TRAM2: variants seen among roughly 807,000 people sequenced by gnomAD.
TRAM2 encodes translocating chain-associated membrane protein 2.
TRAM2 carries 12 observed loss-of-function variants against 51.0 expected under a neutral mutation model. The observed-to-expected ratio is 0.24, with a 90% CI of 0.15 to 0.38. The LOEUF is 0.38. TRAM2 is among the 10% of genes least tolerant of loss of function. The pLI, the probability that TRAM2 is intolerant of heterozygous loss-of-function variation, is 1.00. For missense variants in TRAM2, 361 were observed against 462.0 expected (o/e 0.78, Z 2.00); for synonymous variants, 175 against 179.4 (o/e 0.98, Z 0.20).
At position 52,518,788 on chromosome 6, in the gene TRAM2, T is replaced by G. The variant is rs184551209; in HGVS notation, c.185-2051A>C. On this transcript the variant is annotated intron_variant, in intron 2 of 10. Transcript: ENST00000182527. ...ACGCCAGGATTACATTTTCCTTGCC[T>G]TCTTCATAAAGAGACCAATTAGGTG... Among the ~76,000 whole-genome samples the G allele has an allele frequency of 1.8e-3, 280 of 152,350 alleles. 2 individuals are homozygous for G. Among genetic ancestry groups the G allele is most frequent in the Non-Finnish European group, 2.8e-3 (188 of 68,034 alleles).
intron 4 of TRAM2, among the ~76,000 whole-genome samples, chr6:52,514,711 TGAG>T (rs752139413): frequency 6.6e-6 from 1 of 152,244 alleles, no homozygotes; most frequent in Non-Finnish European, 1.5e-5. Flanking sequence ...GATTCAGAGA[TGAG>T]GCAATCCTCC....
At chr6:52,518,069 C>T (rs1766585009) in intron 2 of TRAM2, among the ~76,000 whole-genome samples, 1 of 152,184 alleles carries the variant, frequency 6.6e-6, no homozygotes, top group South Asian at 2.1e-4. Context: ...GGAAAACATA[C>T]AGTGCAGCAG....
intron 2 of TRAM2, among the ~76,000 whole-genome samples, chr6:52,535,085 C>G (rs1766955546): frequency 1.3e-5 from 2 of 152,208 alleles, no homozygotes; most frequent in African/African-American, 2.4e-5. Flanking sequence ...TGGGCCCCAA[C>G]CATGCTTCCA....
At position 52,556,618 on chromosome 6, in the gene TRAM2, G is replaced by A. The variant is rs1030050407; in HGVS notation, c.120+20178C>T. On this transcript the variant is annotated intron_variant, in intron 1 of 10. Transcript: ENST00000182527. Reference sequence around the variant, plus strand: ...TTTCTTAACAGTCTTCGTGGGTCAGGCAGCAATGTTTGAGTGTAAAAGGTA... The same window carrying A: ...TTTCTTAACAGTCTTCGTGGGTCAGACAGCAATGTTTGAGTGTAAAAGGTA... Among the ~76,000 whole-genome samples the A allele has an allele frequency of 1.1e-4, 17 of 152,048 alleles. 1 individual carries two copies. The highest frequency in any genetic ancestry group is 1.1e-3 in the Admixed American group (17 of 15,278).
rs138927443 is a variant in TRAM2, at chr6:52,516,036, C to T, written c.381G>A (p.Ser127=). The T allele has an allele frequency of 1.6e-5, 26 of 1,614,028 alleles. 1 individual carries two copies. The African/African-American group carries it at 2.5e-4, about 16-fold the overall frequency. ...CCACCACGTAGAAGCACCAAATCAC[C>T]GAGGTGAAATGAAAGACGACCAGCT... is the stretch of plus-strand genomic sequence containing the variant. ...SGQLVVFHFT[S]VIWCFYVVVT... The change falls in exon 4 of 11, where the codon TCG becomes TCA. Residue 127 remains serine (S), a synonymous_variant. Coordinates refer to ENST00000182527, the MANE Select transcript of TRAM2 (RefSeq NM_012288.4).
chr6:52,557,257 T>C (rs1249578015), intron 1 of TRAM2, among the ~76,000 whole-genome samples: 2 of 152,074 alleles, frequency 1.3e-5, no homozygotes, highest in Non-Finnish European at 2.9e-5. Context: ...ACATAACCTA[T>C]AATATGAAAA....
chr6:52,501,176 G>C lies in TRAM2; in HGVS notation c.*2021C>G, dbSNP rs1312717471. 1 of 152,246 alleles carries C rather than the reference G, an allele frequency of 6.6e-6. No individual in the cohort carries two copies. Among genetic ancestry groups the C allele is most frequent in the Admixed American group, 6.5e-5 (1 of 15,284 alleles). The allele number at this position is 152,246 out of a possible 1,614,324, so 9.4% of individuals were successfully genotyped here. ...AGCCCAGAGAAGTGTCAGGGAAGGA[G>C]AGGGAGAAATGGGGGAAATACATAT... On this transcript the variant is annotated 3_prime_UTR_variant, in exon 11 of 11. Transcript: ENST00000182527.
chr6:52,503,309 G>A (rs771720886), intron 10 of TRAM2, 39 bp from the exon 11 acceptor site: 1 of 1,588,336 alleles, frequency 6.3e-7, no homozygotes, highest in South Asian at 1.1e-5. Context: ...TGGTGTTTCT[G>A]CTGGAGCTAA....
chr6:52,561,741 G>A (rs1581701258), intron 1 of TRAM2, among the ~76,000 whole-genome samples: 1 of 151,894 alleles, frequency 6.6e-6, no homozygotes, highest in South Asian at 2.1e-4. Context: ...CACCCGCCTC[G>A]GCCTCCCAAA....
At chr6:52,513,191 GAAT>G (rs1427380136) in intron 4 of TRAM2, among the ~76,000 whole-genome samples, 11 of 152,166 alleles carry the variant, frequency 7.2e-5, no homozygotes, top group Admixed American at 7.2e-4. Flanking sequence ...TCAAACACCA[GAAT>G]AATACTGGTA....
intron 2 of TRAM2, among the ~76,000 whole-genome samples, chr6:52,526,148 GACAGACACACACACACACACACACAC>G (rs1402719691): frequency 0.073 from 10,681 of 146,454 alleles, 530 homozygotes; most frequent in Non-Finnish European, 0.098. Context: ...AATACACACA[GACAGACACACACACACACACACACAC>G]ACACACACAC....
intron 1 of TRAM2, among the ~76,000 whole-genome samples, chr6:52,570,923 C>T (rs918795923): frequency 3.3e-5 from 5 of 151,982 alleles, no homozygotes; most frequent in Non-Finnish European, 7.4e-5. Context: ...CCAGCTGCGA[C>T]CAAGTTAGGT....
chr6:52,521,558 G>A (rs958700909), intron 2 of TRAM2, among the ~76,000 whole-genome samples: 19 of 151,730 alleles, frequency 1.3e-4, no homozygotes, highest in Non-Finnish European at 2.7e-4. Context: ...TTAGCCGGGC[G>A]TGGTGGCGGG....
chr6:52,506,283 T>C (rs370424588), intron 7 of TRAM2, 147 bp from the exon 8 acceptor site: 8 of 704,256 alleles, frequency 1.1e-5, no homozygotes, highest in African/African-American at 8.8e-5. Flanking sequence ...CTCCATCCTT[T>C]GGATTCAGTT....
chr6:52,500,476 A>C lies in TRAM2; in HGVS notation c.*2721T>G, dbSNP rs1221205624. 1.3e-5 allele frequency: 2 copies of C among 150,762 alleles called. No homozygotes were observed. The highest frequency in any genetic ancestry group is 2.9e-5 in the Non-Finnish European group (2 of 67,864). The allele number at this position is 150,762 out of a possible 1,614,324, so 9.3% of individuals were successfully genotyped here. The stretch of plus-strand genomic sequence containing the variant: ...AACCACCCCCCCCAAACATCCCTGA[A>C]GCCCAGGCTGGCAAGATGCCAGCCC... On this transcript the variant is annotated 3_prime_UTR_variant, in exon 11 of 11. Transcript: ENST00000182527.
At chr6:52,529,343 C>T (rs1766843307) in intron 2 of TRAM2, among the ~76,000 whole-genome samples, 1 of 152,154 alleles carries the variant, frequency 6.6e-6, no homozygotes, top group East Asian at 1.9e-4. Flanking sequence ...AAATGAGTTA[C>T]TGGGTTTAGG....
chr6:52,509,696 G>A (rs1581869390), intron 4 of TRAM2, 110 bp from the exon 5 acceptor site: 1 of 912,588 alleles, frequency 1.1e-6, no homozygotes, highest in East Asian at 2.5e-5. Context: ...CTGACAGAAA[G>A]AGGAAGGAAC....
At chr6:52,558,484 A>T (rs1767447012) in intron 1 of TRAM2, among the ~76,000 whole-genome samples, 1 of 152,204 alleles carries the variant, frequency 6.6e-6, no homozygotes, top group African/African-American at 2.4e-5. Context: ...TGGTTGCACA[A>T]TGTGGATGTG....
intron 1 of TRAM2, among the ~76,000 whole-genome samples, chr6:52,538,101 A>C (rs1176786547): frequency 1.3e-5 from 2 of 152,144 alleles, no homozygotes; most frequent in Non-Finnish European, 2.9e-5. Context: ...AATAAACCTC[A>C]TCTTCTCAGC....
Sources: gnomAD v4.1 joint callset for allele counts (sites outside exome capture counted in the v4.1 genomes callset) on GRCh38, gnomAD v4.1.1 for gene constraint, MANE v1.5 for transcripts, NCBI Gene and HGNC (gene_info 2026-07-23, HGNC 2026-07-21) for gene names.